Variants in TMEM132C observed in about 807,000 individuals in gnomAD.
TMEM132C encodes protein phosphatase 1, regulatory subunit 152.
Under a neutral mutation model 61.4 loss-of-function variants are expected in TMEM132C, and 29 were observed. The ratio of observed to expected loss-of-function variants is 0.47; its 90% confidence interval spans 0.35 to 0.64. The LOEUF (loss-of-function observed/expected upper bound fraction) is 0.64, where lower values mean the gene tolerates loss of function less well. Among genes scored for constraint, TMEM132C ranks in the 30% least tolerant of loss-of-function variants. The pLI is 0.00. For synonymous variants in TMEM132C, 656 were observed against 633.1 expected (o/e 1.04, Z -0.54); for missense variants, 1,408 against 1,476.9 (o/e 0.95, Z 0.76).
intron 4 of TMEM132C, among the ~76,000 whole-genome samples, chr12:128,658,299 G>A (rs189858176): frequency 7.2e-5 from 11 of 152,322 alleles, no homozygotes; most frequent in African/African-American, 2.2e-4. Flanking sequence ...CACGATGGTC[G>A]CTGCCCTCTG....
chr12:128,534,756 C>T (rs992111317), intron 2 of TMEM132C, among the ~76,000 whole-genome samples: 2 of 152,226 alleles, frequency 1.3e-5, no homozygotes, highest in African/African-American at 4.8e-5. Context: ...ATCCACTGCT[C>T]TTATCGAAGA....
At chr12:128,698,201 C>T (rs1954779328) in intron 8 of TMEM132C, among the ~76,000 whole-genome samples, 1 of 117,006 alleles carries the variant, frequency 8.5e-6, no homozygotes, top group Non-Finnish European at 2.1e-5. Flanking sequence ...ACAGGGCCAG[C>T]ATATAGTAGG....
At position 128,630,074 on chromosome 12, in the gene TMEM132C, G is replaced by A. The variant is rs185790103; in HGVS notation, c.1305+13739G>A. 1.5e-3 allele frequency among the ~76,000 whole-genome samples: 226 copies of A among 152,154 alleles called. 1 individual carries two copies. Among genetic ancestry groups the A allele is most frequent in the Middle Eastern group, 3.4e-3 (1 of 294 alleles). ...ATGCAAGCTGTGGGCTAAGGGAGAGGCATGGCTGTGTTTCAGGGGTCTTTG... is the reference window on the plus strand; with the variant it reads ...ATGCAAGCTGTGGGCTAAGGGAGAGACATGGCTGTGTTTCAGGGGTCTTTG... On this transcript the variant is annotated intron_variant, in intron 4 of 8. Transcript: ENST00000435159. The surrounding 1 kb of genome is among the most constrained non-coding windows in gnomAD (Gnocchi z 4.3).
intron 1 of TMEM132C, among the ~76,000 whole-genome samples, chr12:128,382,270 A>G (rs979345177): frequency 6.6e-6 from 1 of 152,168 alleles, no homozygotes; most frequent in African/African-American, 2.4e-5. Context: ...AAAAAGTTAT[A>G]TAAATGCTAT....
intron 4 of TMEM132C, among the ~76,000 whole-genome samples, chr12:128,636,855 T>G (rs1034865869): frequency 6.6e-6 from 1 of 152,128 alleles, no homozygotes; most frequent in Non-Finnish European, 1.5e-5. Flanking sequence ...AATGGAATCA[T>G]GCAGCGTTTT....
intron 1 of TMEM132C, among the ~76,000 whole-genome samples, chr12:128,301,321 C>T (rs1514901): frequency 0.7 from 106,196 of 152,094 alleles, 37,844 homozygotes; most frequent in South Asian, 0.82. Context: ...TTCTAGTTCC[C>T]GCCTCATTGC....
intron 1 of TMEM132C, among the ~76,000 whole-genome samples, chr12:128,294,754 AT>A (rs1338624438): frequency 6.6e-6 from 1 of 152,056 alleles, no homozygotes; most frequent in Admixed American, 6.6e-5. Context: ...AAGGGCCCTA[AT>A]CCCATTCATG....
chr12:128,696,921 C>T (rs187068250), intron 7 of TMEM132C, among the ~76,000 whole-genome samples: 3 of 152,292 alleles, frequency 2.0e-5, no homozygotes, highest in East Asian at 1.9e-4. Context: ...TTAACCAGGT[C>T]GTGCATTGTA....
chr12:128,401,324 T>G (rs1875150216), intron 1 of TMEM132C, among the ~76,000 whole-genome samples: 1 of 152,178 alleles, frequency 6.6e-6, no homozygotes, highest in Non-Finnish European at 1.5e-5. Context: ...ATCTCTGATT[T>G]GATAACCTTC....
chr12:128,319,036 A>G (rs1239193446), intron 1 of TMEM132C, among the ~76,000 whole-genome samples: 2 of 152,126 alleles, frequency 1.3e-5, no homozygotes, highest in Non-Finnish European at 2.9e-5. Flanking sequence ...CTGTTAACTC[A>G]TATCCTACTT....
chr12:128,364,137 G>A (rs370789619), intron 1 of TMEM132C, among the ~76,000 whole-genome samples: 1 of 152,074 alleles, frequency 6.6e-6, no homozygotes, highest in African/African-American at 2.4e-5. Flanking sequence ...TCAGGATCCC[G>A]CATCTGACCT....
intron 1 of TMEM132C, among the ~76,000 whole-genome samples, chr12:128,350,776 T>G (rs940881892): frequency 1.3e-5 from 2 of 151,890 alleles, no homozygotes; most frequent in Admixed American, 1.3e-4. Context: ...GAATAACGAC[T>G]GCCCTTTCCA....
intron 1 of TMEM132C, among the ~76,000 whole-genome samples, chr12:128,414,352 T>C (rs1868680228): frequency 6.6e-6 from 1 of 152,232 alleles, no homozygotes; most frequent in African/African-American, 2.4e-5. Context: ...CATTGGCCTG[T>C]TTTGCTATTC....
rs2135663866 is a variant in TMEM132C, at chr12:128,705,372, A to C, written c.2404A>C (p.Asn802His). The C allele has an allele frequency of 6.4e-7, 1 of 1,551,372 alleles. No homozygotes were observed. Among genetic ancestry groups the C allele is most frequent in the Non-Finnish European group, 8.7e-7 (1 of 1,146,988 alleles). The change falls in exon 9 of 9, where the codon AAC becomes CAC. Residue 802 changes from asparagine (N) to histidine (H), a missense_variant. Coordinates refer to ENST00000435159, the MANE Select transcript of TMEM132C (RefSeq NM_001136103.3). ...CAACGTCAGGGTCAAGTTCGGACAG[A>C]ACGATGCTGACTCCAGCCCCGGCGG... ...VGNVRVKFGQNDADSSPGGDY... is the reference protein window; with the variant it reads ...VGNVRVKFGQHDADSSPGGDY...
chr12:128,548,805 CATT>C (rs1225531512), intron 3 of TMEM132C, among the ~76,000 whole-genome samples: 1 of 152,108 alleles, frequency 6.6e-6, no homozygotes, highest in Non-Finnish European at 1.5e-5. Flanking sequence ...GTTTTCCTGT[CATT>C]ATTGTCTAAA....
intron 4 of TMEM132C, among the ~76,000 whole-genome samples, chr12:128,632,550 C>T (rs140144447): frequency 3.5e-4 from 53 of 152,248 alleles, no homozygotes; most frequent in African/African-American, 1.2e-3. Context: ...TAAAATTGTG[C>T]GCTTAAAGTC....
At chr12:128,397,025 C>T (rs779195913) in intron 1 of TMEM132C, among the ~76,000 whole-genome samples, 1 of 152,156 alleles carries the variant, frequency 6.6e-6, no homozygotes, top group East Asian at 1.9e-4. Context: ...CTTAGGTCAG[C>T]GGATGGCACT....
chr12:128,306,497 TG>T (rs1156983734), intron 1 of TMEM132C, among the ~76,000 whole-genome samples: 1 of 151,792 alleles, frequency 6.6e-6, no homozygotes, highest in African/African-American at 2.4e-5. Context: ...CCACCGCACC[TG>T]GCCACCCTGT....
At chr12:128,701,554 C>T (rs1954803777) in intron 8 of TMEM132C, among the ~76,000 whole-genome samples, 1 of 152,190 alleles carries the variant, frequency 6.6e-6, no homozygotes, top group African/African-American at 2.4e-5. Context: ...TTCCTTGGTC[C>T]TGCGGGATGT....
Sources: gnomAD v4.1 joint callset for allele counts (sites outside exome capture counted in the v4.1 genomes callset) on GRCh38, gnomAD v4.1.1 for gene constraint, Gnocchi (gnomAD v3.1) non-coding constraint, MANE v1.5 for transcripts, NCBI Gene and HGNC (gene_info 2026-07-23, HGNC 2026-07-21) for gene names.